The following SNX29 variants were observed in gnomAD, a reference collection of about 807,000 sequenced individuals.
The protein encoded by SNX29 is sorting nexin 29.
Under a neutral mutation model 102.1 loss-of-function variants are expected in SNX29, and 78 were observed. That is an observed-to-expected ratio of 0.76 (90% CI 0.64 to 0.92). The LOEUF is 0.92. Among genes scored for constraint, SNX29 ranks in the 40% least tolerant of loss-of-function variants. SNX29 has a pLI of 0.00. For synonymous variants in SNX29, 580 were observed against 414.5 expected (o/e 1.40, Z -4.85); for missense variants, 1,280 against 1,061.7 (o/e 1.21, Z -2.86).
chr16:12,135,476 T>G, intron 13 of SNX29: 1 of 1,295,096 alleles, frequency 7.7e-7, no homozygotes, highest in South Asian at 1.2e-5. Context: ...GTGACCAGGA[T>G]GGTCTGATAA....
intron 16 of SNX29, among the ~76,000 whole-genome samples, chr16:12,365,919 G>T (rs1213044498): frequency 6.6e-6 from 1 of 151,636 alleles, no homozygotes; most frequent in African/African-American, 2.4e-5. Context: ...GCGGGCGCTT[G>T]TAGTCCCAGC....
intron 16 of SNX29, among the ~76,000 whole-genome samples, chr16:12,361,129 A>G (rs932946833): frequency 4.6e-5 from 7 of 152,152 alleles, no homozygotes; most frequent in East Asian, 1.9e-4. Flanking sequence ...AGAAAGGACA[A>G]TGGGATGTGG....
Position 12,332,688 on chromosome 16 carries a change from G to A in SNX29, c.1783-23475G>A, listed in dbSNP as rs146545254. 8.5e-5 allele frequency among the ~76,000 whole-genome samples: 13 copies of A among 152,220 alleles called. 1 individual carries two copies. The highest frequency in any genetic ancestry group is 3.4e-3 in the Middle Eastern group (1 of 294). The stretch of plus-strand genomic sequence containing the variant: ...TCCACCTGCATCCCAGCCCCTGGCC[G>A]CCACCAGGGTTGGGCACCTCTGTCT... On this transcript the variant is annotated intron_variant, in intron 15 of 20. Transcript: ENST00000566228.
intron 19 of SNX29, among the ~76,000 whole-genome samples, chr16:12,483,468 C>G (rs1328843519): frequency 6.6e-6 from 1 of 151,750 alleles, no homozygotes; most frequent in Non-Finnish European, 1.5e-5. Flanking sequence ...CAGGTGTGTG[C>G]CACCACGCCT....
chr16:12,520,899 A>G (rs1165658877), intron 19 of SNX29, among the ~76,000 whole-genome samples: 2 of 152,198 alleles, frequency 1.3e-5, no homozygotes, highest in Non-Finnish European at 2.9e-5. Context: ...AGAATTCACC[A>G]CTAAAGAACT....
Position 12,572,259 on chromosome 16 carries a change from G to T in SNX29, c.*3630G>T, listed in dbSNP as rs903529356. On this transcript the variant is annotated 3_prime_UTR_variant, in exon 21 of 21. Coordinates refer to ENST00000566228, the MANE Select transcript of SNX29 (RefSeq NM_032167.5). ...TTACACCAGGTGGATTGATACCATG[G>T]CTGTAGCTGATGCAACTAACAAGTA... 1 of 1,057,304 alleles carries T rather than the reference G, an allele frequency of 9.5e-7. No individual in the cohort carries two copies. Among genetic ancestry groups the T allele is most frequent in the Non-Finnish European group, 1.1e-6 (1 of 872,702 alleles). 65.5% of individuals were successfully genotyped at this position (1,057,304 alleles called of 1,614,324 possible). A position where few individuals can be genotyped will look rare whatever the true frequency, so the allele number is the denominator to read the frequency against.
intron 20 of SNX29, among the ~76,000 whole-genome samples, chr16:12,548,724 A>C (rs2859789): frequency 1.3e-5 from 2 of 151,916 alleles, no homozygotes; most frequent in Non-Finnish European, 2.9e-5. Context: ...GGAGGGGTAC[A>C]TCCAGGGCTC....
chr16:11,995,232 A>G (rs1040547244), intron 1 of SNX29, among the ~76,000 whole-genome samples: 1 of 151,978 alleles, frequency 6.6e-6, no homozygotes, highest in African/African-American at 2.4e-5. Context: ...CACCTGGCTA[A>G]TTTTTGTATT....
intron 18 of SNX29, among the ~76,000 whole-genome samples, chr16:12,456,036 G>A (rs998445346): frequency 6.6e-6 from 1 of 152,084 alleles, no homozygotes; most frequent in Non-Finnish European, 1.5e-5. Flanking sequence ...TAAATGTTCA[G>A]GTGATGTTCA....
intron 18 of SNX29, among the ~76,000 whole-genome samples, chr16:12,437,628 C>T (rs909769481): frequency 1.3e-5 from 2 of 152,190 alleles, no homozygotes; most frequent in African/African-American, 4.8e-5. Context: ...TTGACCCTGG[C>T]TCCTTCCCCA....
intron 15 of SNX29, among the ~76,000 whole-genome samples, chr16:12,313,789 C>T (rs1268349036): frequency 6.6e-6 from 1 of 152,178 alleles, no homozygotes; most frequent in South Asian, 2.1e-4. Flanking sequence ...CTGTATGTGA[C>T]AGATGATCAG....
intron 2 of SNX29, among the ~76,000 whole-genome samples, chr16:11,999,903 T>TAA (rs369495382): frequency 1.1e-4 from 16 of 143,156 alleles, no homozygotes; most frequent in African/African-American, 4.1e-4. Flanking sequence ...TTTGTGTCAT[T>TAA]AAAAAAAAAA....
intron 13 of SNX29, among the ~76,000 whole-genome samples, chr16:12,174,698 A>G (rs2076221847): frequency 6.6e-6 from 1 of 152,262 alleles, no homozygotes; most frequent in African/African-American, 2.4e-5. Flanking sequence ...TTTATTTTCC[A>G]CGTGATAATG....
intron 15 of SNX29, among the ~76,000 whole-genome samples, chr16:12,296,427 A>G (rs995621129): frequency 6.6e-6 from 1 of 152,214 alleles, no homozygotes; most frequent in Non-Finnish European, 1.5e-5. Context: ...AATTATAACA[A>G]TTTGTTTTTG....
chr16:12,513,207 CCCTACTGTGCCTGCCTTTCT>C, intron 19 of SNX29, among the ~76,000 whole-genome samples: 1 of 151,450 alleles, frequency 6.6e-6, no homozygotes, highest in African/African-American at 2.4e-5. Flanking sequence ...CCTTGCCCTG[CCCTACTGTGCCTGCCTTTCT>C]CCTGCCCTGC....
intron 14 of SNX29, among the ~76,000 whole-genome samples, chr16:12,272,204 C>T (rs1013796991): frequency 6.6e-6 from 1 of 152,200 alleles, no homozygotes; most frequent in Non-Finnish European, 1.5e-5. Flanking sequence ...GCTGATTCTT[C>T]TTAAATATAG....
At chr16:12,067,032 T>TGC (rs1567176150) in intron 9 of SNX29, among the ~76,000 whole-genome samples, 1,594 of 138,960 alleles carry the variant, frequency 0.011, 36 homozygotes, top group African/African-American at 0.041. Context: ...AATAAATAAA[T>TGC]AAGCAGGCCA....
At chr16:12,149,751 C>T (rs190390141) in intron 13 of SNX29, among the ~76,000 whole-genome samples, 100 of 152,302 alleles carry the variant, frequency 6.6e-4, no homozygotes, top group African/African-American at 2.4e-3. Flanking sequence ...AAGTGTGGGG[C>T]TGCTGTCTGA....
At position 12,347,934 on chromosome 16, in the gene SNX29, G is replaced by A. The variant is rs186793714; in HGVS notation, c.1783-8229G>A. Among the ~76,000 whole-genome samples, 98 of 150,022 alleles carry A rather than the reference G, an allele frequency of 6.5e-4. 2 individuals carry two copies. The highest frequency in any genetic ancestry group is 4.6e-4 in the Admixed American group (7 of 15,142). On this transcript the variant is annotated intron_variant, in intron 15 of 20. Coordinates refer to ENST00000566228, the MANE Select transcript of SNX29 (RefSeq NM_032167.5). ...CTTTACAAAAAAAAAAAAAAAATAG[G>A]TGAGCATGGTGGCACATGGCTGTAG...
Sources: gnomAD v4.1 joint callset for allele counts (sites outside exome capture counted in the v4.1 genomes callset) on GRCh38, gnomAD v4.1.1 for gene constraint, MANE v1.5 for transcripts, NCBI Gene and HGNC (gene_info 2026-07-23, HGNC 2026-07-21) for gene names.